BOD1L1: variants seen among roughly 807,000 people sequenced by gnomAD.
The protein encoded by BOD1L1 is biorientation of chromosomes in cell division 1 like 1.
A neutral mutation model predicts 240.7 loss-of-function variants in BOD1L1; 86 were observed. The ratio of observed to expected loss-of-function variants is 0.36; its 90% CI spans 0.30 to 0.43. BOD1L1 has a LOEUF of 0.43. BOD1L1 is among the 20% of genes least tolerant of loss of function. The pLI, the probability that BOD1L1 is intolerant of heterozygous loss-of-function variation, is 1.00. For synonymous variants in BOD1L1, 1,268 were observed against 1,272.3 expected (o/e 1.00, Z 0.07); for missense variants, 3,554 against 3,643.5 (o/e 0.98, Z 0.63).
chr4:13,598,805 CATT>C, intron 10 of BOD1L1, 138 bp downstream of exon 10: 1 of 838,700 alleles, frequency 1.2e-6, no homozygotes, highest in Non-Finnish European at 1.8e-6. Context: ...TATTTTGCAA[CATT>C]ATGATATGAG....
At chr4:13,579,556 T>C (rs1713052018) in intron 22 of BOD1L1, among the ~76,000 whole-genome samples, 1 of 152,216 alleles carries the variant, frequency 6.6e-6, no homozygotes, top group South Asian at 2.1e-4. Flanking sequence ...TCTTGTTTTA[T>C]GTAAAAAATT....
In BOD1L1 at chr4:13,604,938, A is replaced by G; in HGVS notation, c.1962T>C (p.His654=). The G allele has an allele frequency of 6.2e-7, 1 of 1,613,524 alleles. No homozygotes were observed. Among genetic ancestry groups the G allele is most frequent in the Non-Finnish European group, 8.5e-7 (1 of 1,179,764 alleles). ...TAACAGGGGTAGATGTCCGTCTTTT[A>G]TGTTCTCTTTCTAATTTGGATTCAT... is the stretch of plus-strand genomic sequence containing the variant. ...NKNESKLERE[H]KRRTSTPVIM... The change falls in exon 10 of 26, where the codon CAT becomes CAC. Residue 654 remains histidine (H), a synonymous_variant. Transcript: ENST00000040738.
chr4:13,573,434 G>GTCTATCTA, intron 25 of BOD1L1, among the ~76,000 whole-genome samples: 1 of 57,038 alleles, frequency 1.8e-5, no homozygotes, highest in East Asian at 1.5e-3. Flanking sequence ...CTGTCTGTCT[G>GTCTATCTA]TCTGTCTGTC....
chr4:13,577,390 G>T lies in BOD1L1; in HGVS notation c.8884+13C>A, dbSNP rs1647913155. 1 of 1,608,374 alleles carries T rather than the reference G, an allele frequency of 6.2e-7. No individual in the cohort carries two copies. Among genetic ancestry groups the T allele is most frequent in the South Asian group, 1.1e-5 (1 of 89,394 alleles). On this transcript the variant is annotated intron_variant, in intron 24 of 25. Transcript: ENST00000040738. Reference sequence around the variant, plus strand: ...AAACAATAAGACTTATTAAGAATTTGCTAGAAACATACCAGCATCATCTGA... The same window carrying T: ...AAACAATAAGACTTATTAAGAATTTTCTAGAAACATACCAGCATCATCTGA...
Position 13,604,877 on chromosome 4 carries a change from C to T in BOD1L1, c.2023G>A (p.Asp675Asn), listed in dbSNP as rs140143416. ...EGVQEETDTRDVKRQVERSEI... is the reference protein window; with the variant it reads ...EGVQEETDTRNVKRQVERSEI... ...GAGCGTTCTACTTGCCTTTTTACAT[C>T]TCTTGTGTCAGTCTCTTCCTGTACC... Residue 675 changes from aspartate to asparagine, a missense_variant, in exon 10 of 26, where the codon GAT becomes AAT. Physicochemically the swap from Asp to Asn is conservative, Grantham distance 23. Around this residue, in one of 2 missense-constraint regions of BOD1L1, gnomAD observed 3,393 missense variants for 3,427.1 expected, o/e 0.99. Coordinates refer to ENST00000040738, the MANE Select transcript of BOD1L1 (RefSeq NM_148894.3). The T allele has an allele frequency of 2.5e-6, 4 of 1,612,596 alleles. No homozygotes were observed. The highest frequency in any genetic ancestry group is 3.4e-6 in the Non-Finnish European group (4 of 1,179,576).
intron 1 of BOD1L1, chr4:13,623,965 A>G (rs1409095889): frequency 6.6e-6 from 1 of 152,062 alleles, no homozygotes; most frequent in African/African-American, 2.4e-5. Context: ...CATCATATTG[A>G]TATGAATGTT....
intron 21 of BOD1L1, among the ~76,000 whole-genome samples, chr4:13,580,695 C>G (rs1011731291): frequency 6.6e-6 from 1 of 152,156 alleles, no homozygotes; most frequent in African/African-American, 2.4e-5. Context: ...AGACAACTCA[C>G]AAGTCTCTAT....
At chr4:13,580,769 C>G (rs1713164544) in intron 21 of BOD1L1, among the ~76,000 whole-genome samples, 1 of 151,976 alleles carries the variant, frequency 6.6e-6, no homozygotes, top group South Asian at 2.1e-4. Context: ...CAAGGGTGGC[C>G]ACAAGAAGTT....
chr4:13,622,263 T>C (rs1229016247), intron 1 of BOD1L1, among the ~76,000 whole-genome samples: 1 of 152,194 alleles, frequency 6.6e-6, no homozygotes, highest in Non-Finnish European at 1.5e-5. Flanking sequence ...GGCTCTAACA[T>C]CACAATGCAT....
In BOD1L1 at chr4:13,614,236, C is replaced by G. The variant is rs1478542788; in HGVS notation, c.1134G>C (p.Lys378Asn). The G allele has an allele frequency of 6.5e-7, 1 of 1,530,630 alleles. No individual in the cohort carries two copies. The highest frequency in any genetic ancestry group is 2.5e-5 in the East Asian group (1 of 40,802). 94.8% of individuals were successfully genotyped at this position (1,530,630 alleles called of 1,614,324 possible). The change falls in exon 4 of 26, where the codon AAG becomes AAC. Residue 378 changes from lysine (K) to asparagine (N), a missense_variant. Lys to Asn is a moderately conservative substitution (Grantham distance 94). Around this residue, in one of 2 missense-constraint regions of BOD1L1, gnomAD observed 3,393 missense variants for 3,427.1 expected, o/e 0.99. Coordinates refer to ENST00000040738, the MANE Select transcript of BOD1L1 (RefSeq NM_148894.3). Reference sequence around the variant, plus strand: ...CAACAGTTTTAGCTTTATTACTGTTCTTTTCTGAAGGAAGTTTTAAACTCT... The same window carrying G: ...CAACAGTTTTAGCTTTATTACTGTTGTTTTCTGAAGGAAGTTTTAAACTCT... Reference protein sequence around the residue: ...EVESLKLPSEKNSNKAKTVEG... With the variant: ...EVESLKLPSENNSNKAKTVEG...
At chr4:13,619,650 A>G (rs536945006) in intron 2 of BOD1L1, among the ~76,000 whole-genome samples, 35 of 152,352 alleles carry the variant, frequency 2.3e-4, no homozygotes, top group African/African-American at 7.7e-4. Flanking sequence ...GCAACTGTAT[A>G]TATCATCTAT....
At chr4:13,623,836 T>A (rs978190758) in intron 1 of BOD1L1, 1 of 152,206 alleles carries the variant, frequency 6.6e-6, no homozygotes, top group Non-Finnish European at 1.5e-5. Context: ...TGCTACAAGT[T>A]AAGACTTTTT....
At chr4:13,608,035 C>T (rs1037163028) in intron 8 of BOD1L1, among the ~76,000 whole-genome samples, 1 of 152,138 alleles carries the variant, frequency 6.6e-6, no homozygotes, top group Admixed American at 6.5e-5. Flanking sequence ...GTCTCTTTAG[C>T]TTTCTAATTC....
chr4:13,611,903 AG>A (rs1443765991), intron 5 of BOD1L1, among the ~76,000 whole-genome samples: 1 of 152,224 alleles, frequency 6.6e-6, no homozygotes, highest in Non-Finnish European at 1.5e-5. Flanking sequence ...AGAAAAAAAA[AG>A]TAAACAAGGT....
Position 13,599,387 on chromosome 4 carries a change from G to A in BOD1L1, c.7513C>T (p.Leu2505=), listed in dbSNP as rs747364632. 2 of 1,614,006 alleles carry A rather than the reference G, an allele frequency of 1.2e-6. No individual in the cohort carries two copies. The highest frequency in any genetic ancestry group is 2.2e-5 in the South Asian group (2 of 91,076). The part of the protein sequence containing the change: ...LEGNANSPAH[L]RGPEQTSGQT... ...CCAGACGTCTGTTCTGGTCCTCTCA[G>A]GTGGGCAGGTGAGTTAGCATTCCCC... Residue 2505 remains leucine, a synonymous_variant, in exon 10 of 26, where the codon CTG becomes TTG. Coordinates refer to ENST00000040738, the MANE Select transcript of BOD1L1 (RefSeq NM_148894.3).
intron 1 of BOD1L1, chr4:13,625,480 TACCAATA>T (rs1212920090): frequency 1.3e-5 from 2 of 152,186 alleles, no homozygotes; most frequent in Non-Finnish European, 2.9e-5. Context: ...TATAGACACA[TACCAATA>T]ACATTTTGTG....
At chr4:13,586,356 C>A (rs1713686095) in intron 17 of BOD1L1, 40 bp downstream of exon 17, 1 of 1,384,478 alleles carries the variant, frequency 7.2e-7, no homozygotes, top group Non-Finnish European at 1.0e-6. Context: ...GGCCTCCCTA[C>A]CCCCACCCAA....
chr4:13,571,272 T>C (rs1712185181), intron 25 of BOD1L1, among the ~76,000 whole-genome samples: 1 of 152,204 alleles, frequency 6.6e-6, no homozygotes, highest in African/African-American at 2.4e-5. Flanking sequence ...AAATGTCCTG[T>C]CAATGAATCA....
At chr4:13,590,202 C>A (rs966388963) in intron 14 of BOD1L1, among the ~76,000 whole-genome samples, 184 bp downstream of exon 14, 1 of 152,204 alleles carries the variant, frequency 6.6e-6, no homozygotes, top group African/African-American at 2.4e-5. Context: ...AATAAGTCAC[C>A]TGGCCTAAGA....
Sources: gnomAD v4.1 joint callset for allele counts (sites outside exome capture counted in the v4.1 genomes callset) on GRCh38, gnomAD v4.1.1 for gene constraint, gnomAD v4.1.1 regional missense constraint, MANE v1.5 for transcripts, NCBI Gene and HGNC (gene_info 2026-07-23, HGNC 2026-07-21) for gene names.